The following CLSTN2 variants were observed in gnomAD, a reference collection of about 807,000 sequenced individuals.
The protein encoded by CLSTN2 is calsyntenin 2, also known as calsyntenin-2.
A neutral mutation model predicts 101.2 loss-of-function variants in CLSTN2; 48 were observed. The ratio of observed to expected loss-of-function variants is 0.47; its 90% CI spans 0.38 to 0.60. The LOEUF (loss-of-function observed/expected upper bound fraction) is 0.60, where lower values mean the gene tolerates loss of function less well. Among genes scored for constraint, CLSTN2 ranks in the 20% least tolerant of loss-of-function variants. The pLI, the probability that CLSTN2 is intolerant of heterozygous loss-of-function variation, is 0.00. For missense variants in CLSTN2, 1,160 were observed against 1,238.2 expected (o/e 0.94, Z 0.95); for synonymous variants, 481 against 463.6 (o/e 1.04, Z -0.48).
intron 1 of CLSTN2, among the ~76,000 whole-genome samples, chr3:140,144,590 T>G (rs1045145875): frequency 6.6e-6 from 1 of 152,056 alleles, no homozygotes; most frequent in Non-Finnish European, 1.5e-5. Flanking sequence ...CACTCCAGCC[T>G]GGGCATCAGA....
intron 2 of CLSTN2, among the ~76,000 whole-genome samples, chr3:140,303,048 A>G (rs955570679): frequency 2.0e-5 from 3 of 152,298 alleles, no homozygotes; most frequent in Middle Eastern, 3.4e-3. Flanking sequence ...AGAGAACACA[A>G]TCTTGTTGGG....
Position 140,370,982 on chromosome 3 carries a change from A to T in CLSTN2, c.233-32647A>T, listed in dbSNP as rs149132128. Among the ~76,000 whole-genome samples, 466 of 152,168 alleles carry T rather than the reference A, an allele frequency of 3.1e-3. 15 individuals are homozygous for T. Among genetic ancestry groups the T allele is most frequent in the Admixed American group, 0.029 (444 of 15,292 alleles). ...GCTCCAGACATCAAACACCCTTCTG[A>T]AGGTCTGTGATTTCTGCAGAGTTTG... is the stretch of plus-strand genomic sequence containing the variant. On this transcript the variant is annotated intron_variant, in intron 2 of 16. Transcript: ENST00000458420.
intron 7 of CLSTN2, among the ~76,000 whole-genome samples, chr3:140,461,948 A>T (rs1281813154): frequency 6.6e-6 from 1 of 151,530 alleles, no homozygotes; most frequent in Non-Finnish European, 1.5e-5. Context: ...TTAAAAAAAA[A>T]AATCCAGAAT....
In CLSTN2 at chr3:140,090,177, G is replaced by T. The variant is rs187568758; in HGVS notation, c.110-85774G>T. On this transcript the variant is annotated intron_variant, in intron 1 of 16. Transcript: ENST00000458420. Reference sequence around the variant, plus strand: ...GTTGTCTCGGGGCTGGCATCTTCCCGGCTGAAGGGGGGTTATCTTGGGGGA... The same window carrying T: ...GTTGTCTCGGGGCTGGCATCTTCCCTGCTGAAGGGGGGTTATCTTGGGGGA... 4.3e-3 allele frequency among the ~76,000 whole-genome samples: 649 copies of T among 149,842 alleles called. 4 individuals are homozygous for T. The highest frequency in any genetic ancestry group is 5.8e-3 in the Non-Finnish European group (391 of 67,506).
intron 2 of CLSTN2, among the ~76,000 whole-genome samples, chr3:140,278,652 G>A (rs1467078671): frequency 1.3e-5 from 2 of 152,164 alleles, no homozygotes; most frequent in Non-Finnish European, 2.9e-5. Context: ...TCTTTTGACT[G>A]GAATAAACTA....
Position 140,338,581 on chromosome 3 carries a change from T to C in CLSTN2, c.233-65048T>C, listed in dbSNP as rs532779819. On this transcript the variant is annotated intron_variant, in intron 2 of 16. Coordinates refer to ENST00000458420, the MANE Select transcript of CLSTN2 (RefSeq NM_022131.3). ...ATGTCCAGTCCCCCCCCGGCCTCAG[T>C]AGTGCTCAGTGAACGGTGCACTCAG... is the stretch of plus-strand genomic sequence containing the variant. Among the ~76,000 whole-genome samples, 4 of 152,296 alleles carry C rather than the reference T, an allele frequency of 2.6e-5. No homozygotes were observed. The East Asian group carries it at 7.7e-4, about 29-fold the overall frequency.
intron 1 of CLSTN2, among the ~76,000 whole-genome samples, chr3:140,130,288 A>G (rs540930976): frequency 1.3e-5 from 2 of 152,328 alleles, no homozygotes; most frequent in Admixed American, 1.3e-4. Context: ...GGTGGCAAAA[A>G]TTACAGTGCT....
At chr3:140,497,122 G>C (rs1355538966) in intron 8 of CLSTN2, among the ~76,000 whole-genome samples, 1 of 146,666 alleles carries the variant, frequency 6.8e-6, no homozygotes, top group Admixed American at 6.8e-5. Flanking sequence ...AAAAAAAGCA[G>C]CAGTTTGGGT....
chr3:140,499,585 A>G (rs987460445), intron 8 of CLSTN2, among the ~76,000 whole-genome samples: 20 of 152,172 alleles, frequency 1.3e-4, no homozygotes, highest in Non-Finnish European at 2.5e-4. Flanking sequence ...GGAGATAGTG[A>G]GGCTGCTCTT....
At chr3:140,097,626 A>G (rs752324418) in intron 1 of CLSTN2, among the ~76,000 whole-genome samples, 1 of 152,200 alleles carries the variant, frequency 6.6e-6, no homozygotes, top group Non-Finnish European at 1.5e-5. Flanking sequence ...GAATTTTAGA[A>G]AAGAAAATGA....
Position 140,562,813 on chromosome 3 carries a change from G to A in CLSTN2, c.2215G>A (p.Val739Met). Residue 739 changes from valine to methionine, a missense_variant and splice_region_variant, in exon 14 of 17, where the codon GTG becomes ATG. Physicochemically the swap from Val to Met is conservative, Grantham distance 21 (BLOSUM62 1). Coordinates refer to ENST00000458420, the MANE Select transcript of CLSTN2 (RefSeq NM_022131.3). The part of the protein sequence containing the change: ...NSTAGYSIYG[V>M]GSMSRYEQVL... ...ACAGGTGTGGTCTCTTGGCACAGGT[G>A]TGGGCTCCATGAGCCGCTATGAGCA... 6.2e-7 allele frequency: 1 copy of A among 1,613,850 alleles called. No individual in the cohort carries two copies. The highest frequency in any genetic ancestry group is 8.5e-7 in the Non-Finnish European group (1 of 1,179,990).
intron 6 of CLSTN2, 36 bp from the exon 7 acceptor site, chr3:140,459,485 A>G: frequency 1.9e-6 from 3 of 1,609,958 alleles, no homozygotes; most frequent in Non-Finnish European, 1.7e-6. Flanking sequence ...ACACCGCATC[A>G]TGACCTGTTA....
At chr3:140,106,914 T>C (rs2009068832) in intron 1 of CLSTN2, among the ~76,000 whole-genome samples, 1 of 152,236 alleles carries the variant, frequency 6.6e-6, no homozygotes, top group South Asian at 2.1e-4. Context: ...TTTTCAACAC[T>C]AGTGTTAAGC....
intron 5 of CLSTN2, 69 bp downstream of exon 5, chr3:140,421,343 C>T: frequency 6.4e-7 from 1 of 1,551,766 alleles, no homozygotes; most frequent in Admixed American, 1.8e-5. Flanking sequence ...TGTACTTGTC[C>T]TCAAATCATC....
chr3:140,370,207 T>C (rs937895989), intron 2 of CLSTN2, among the ~76,000 whole-genome samples: 4 of 152,186 alleles, frequency 2.6e-5, no homozygotes, highest in Non-Finnish European at 4.4e-5. Flanking sequence ...TTACTCACCA[T>C]TGAGGCCTGC....
chr3:139,978,403 T>C (rs1935856751), intron 1 of CLSTN2, among the ~76,000 whole-genome samples: 2 of 152,104 alleles, frequency 1.3e-5, no homozygotes, highest in Admixed American at 6.6e-5. Context: ...AGTTTGGACG[T>C]TTAGGTTTTG....
At chr3:140,112,965 G>A (rs776963842) in intron 1 of CLSTN2, among the ~76,000 whole-genome samples, 1 of 152,142 alleles carries the variant, frequency 6.6e-6, no homozygotes, top group Non-Finnish European at 1.5e-5. Context: ...TGTGTTTGTA[G>A]TAATTTCCAG....
intron 2 of CLSTN2, among the ~76,000 whole-genome samples, chr3:140,345,431 G>A (rs757292800): frequency 6.6e-6 from 1 of 151,580 alleles, no homozygotes; most frequent in Non-Finnish European, 1.5e-5. Context: ...TGTATCTTTA[G>A]TAGAGATAGG....
At chr3:140,512,753 T>C (rs1050363578) in intron 8 of CLSTN2, among the ~76,000 whole-genome samples, 2 of 152,240 alleles carry the variant, frequency 1.3e-5, no homozygotes, top group Non-Finnish European at 2.9e-5. Context: ...GATCATAGAA[T>C]GTCTTTCCAT....
Sources: gnomAD v4.1 joint callset for allele counts (sites outside exome capture counted in the v4.1 genomes callset) on GRCh38, gnomAD v4.1.1 for gene constraint, MANE v1.5 for transcripts, NCBI Gene and HGNC (gene_info 2026-07-23, HGNC 2026-07-21) for gene names.